The following CALN1 variants were observed in gnomAD, a reference collection of about 807,000 sequenced individuals.
The protein encoded by CALN1 is calneuron 1.
CALN1 carries 17 observed loss-of-function variants against 30.6 expected under a neutral mutation model. The observed-to-expected ratio is 0.56, with a 90% CI of 0.38 to 0.83. CALN1 has a LOEUF of 0.83. CALN1 is among the 40% of genes least tolerant of loss of function. CALN1 has a pLI of 0.00. For synonymous variants in CALN1, 156 were observed against 131.4 expected (o/e 1.19, Z -1.28); for missense variants, 291 against 354.9 (o/e 0.82, Z 1.45).
chr7:72,430,573 T>G (rs1807941585), intron 1 of CALN1, among the ~76,000 whole-genome samples: 2 of 152,292 alleles, frequency 1.3e-5, no homozygotes, highest in South Asian at 4.1e-4. Flanking sequence ...ACCCTAAATA[T>G]TCCCCTCAAG....
chr7:72,319,522 G>A (rs894077461), intron 2 of CALN1, among the ~76,000 whole-genome samples: 4 of 152,132 alleles, frequency 2.6e-5, no homozygotes, highest in Admixed American at 6.5e-5. Flanking sequence ...ATGAGATTTG[G>A]GTGGGGACAC....
chr7:71,919,267 A>G lies in CALN1; in HGVS notation c.501+104390T>C, dbSNP rs569128420. Among the ~76,000 whole-genome samples the G allele has an allele frequency of 3.0e-4, 45 of 152,336 alleles. 1 individual carries two copies. Among genetic ancestry groups the G allele is most frequent in the African/African-American group, 9.9e-4 (41 of 41,572 alleles). ...ACTCAAAATCTTTTAAAGGCTTCAC[A>G]ATGCCTACATGATAAGGTACAAACG... On this transcript the variant is annotated intron_variant, in intron 5 of 6. Coordinates refer to ENST00000395275, the MANE Select transcript of CALN1 (RefSeq NM_031468.4).
chr7:72,350,580 A>G (rs1371902233), intron 2 of CALN1, among the ~76,000 whole-genome samples: 3 of 152,190 alleles, frequency 2.0e-5, no homozygotes, highest in Non-Finnish European at 4.4e-5. Flanking sequence ...CTAAACATTG[A>G]GTACATATGG....
the CALN1 span, among the ~76,000 whole-genome samples, chr7:72,483,589 C>A: frequency 6.6e-6 from 1 of 152,112 alleles, no homozygotes; most frequent in East Asian, 1.9e-4. Context: ...CAAGCCCTCC[C>A]CTGATGTTTC....
At chr7:71,802,339 T>G (rs1470488683) in intron 6 of CALN1, among the ~76,000 whole-genome samples, 1 of 152,194 alleles carries the variant, frequency 6.6e-6, no homozygotes, top group African/African-American at 2.4e-5. Context: ...GAATGTCTGG[T>G]GCCTAAAATG....
At chr7:72,315,733 C>A (rs540855609) in intron 2 of CALN1, among the ~76,000 whole-genome samples, 1 of 151,712 alleles carries the variant, frequency 6.6e-6, no homozygotes, top group Non-Finnish European at 1.5e-5. Flanking sequence ...CAAAAAACAA[C>A]GCCAATAGCA....
intron 5 of CALN1, among the ~76,000 whole-genome samples, chr7:71,965,853 C>G (rs755869181): frequency 8.6e-5 from 13 of 150,644 alleles, no homozygotes; most frequent in Non-Finnish European, 1.5e-4. Context: ...ACAAAGATAA[C>G]TTAGTATTTA....
In CALN1 at chr7:71,915,287, C is replaced by T. The variant is rs141853845; in HGVS notation, c.502-104795G>A. Among the ~76,000 whole-genome samples the T allele has an allele frequency of 2.2e-4, 34 of 152,324 alleles. No homozygotes were observed. In the East Asian group the frequency reaches 6.2e-3, roughly 28 times the overall value. On this transcript the variant is annotated intron_variant, in intron 5 of 6. Coordinates refer to ENST00000395275, the MANE Select transcript of CALN1 (RefSeq NM_031468.4). The stretch of plus-strand genomic sequence containing the variant: ...TTAGAAATGAGAAAAGCAATGAGGT[C>T]ATCTCAGTGGGACTTTCTTTCGAAA...
chr7:72,054,528 CATACAT>C (rs1563015909), intron 4 of CALN1, among the ~76,000 whole-genome samples: 43 of 55,658 alleles, frequency 7.7e-4, no homozygotes, highest in African/African-American at 3.1e-3. Context: ...TACATATATA[CATACAT>C]ATATATATAC....
chr7:72,456,543 T>C, the CALN1 span, among the ~76,000 whole-genome samples: 1 of 151,304 alleles, frequency 6.6e-6, no homozygotes, highest in Non-Finnish European at 1.5e-5. Flanking sequence ...GTCTCCAAAA[T>C]AATAATAAAT....
intron 3 of CALN1, among the ~76,000 whole-genome samples, chr7:72,184,899 C>A (rs372929344): frequency 6.6e-6 from 1 of 151,962 alleles, no homozygotes. Flanking sequence ...CTCAAGTGAT[C>A]CCCCATCTCA....
At chr7:72,328,775 A>C (rs921804700) in intron 2 of CALN1, among the ~76,000 whole-genome samples, 1 of 152,200 alleles carries the variant, frequency 6.6e-6, no homozygotes, top group African/African-American at 2.4e-5. Flanking sequence ...AGCTCACTGC[A>C]ACCTCCGCCT....
At chr7:72,435,265 A>G (rs1276079093) in intron 1 of CALN1, among the ~76,000 whole-genome samples, 1 of 151,462 alleles carries the variant, frequency 6.6e-6, no homozygotes, top group African/African-American at 2.4e-5. Flanking sequence ...AAAAGAAAAG[A>G]AAGGGAAGGG....
At chr7:72,462,182 T>TATGTATGTATGTATG in the CALN1 span, among the ~76,000 whole-genome samples, 2,100 of 148,768 alleles carry the variant, frequency 0.014, 54 homozygotes, top group African/African-American at 0.05. Flanking sequence ...ATGTATGTAT[T>TATGTATGTATGTATG]TATTTATTTA....
At chr7:72,057,207 A>C (rs893750689) in intron 4 of CALN1, among the ~76,000 whole-genome samples, 2 of 152,108 alleles carry the variant, frequency 1.3e-5, no homozygotes, top group Non-Finnish European at 2.9e-5. Context: ...TTGGCCTCCC[A>C]AAATGCTGGA....
chr7:72,108,259 T>G (rs1807318324), intron 3 of CALN1, among the ~76,000 whole-genome samples: 1 of 152,238 alleles, frequency 6.6e-6, no homozygotes. Context: ...CTGTTTGCAT[T>G]AGGGACCACT....
chr7:72,459,368 T>C, the CALN1 span, among the ~76,000 whole-genome samples: 55,433 of 152,120 alleles, frequency 0.36, 10,657 homozygotes, highest in Middle Eastern at 0.46. Context: ...AGTTGTCTTA[T>C]TTGTTAGAGT....
chr7:72,447,373 C>T (rs1297070451), upstream of CALN1, among the ~76,000 whole-genome samples: 2 of 152,096 alleles, frequency 1.3e-5, no homozygotes, highest in Admixed American at 6.5e-5. Context: ...CCAGAAACAC[C>T]GGAGTCTCTC....
chr7:72,074,447 A>T (rs2129538277), intron 4 of CALN1, among the ~76,000 whole-genome samples: 1 of 152,266 alleles, frequency 6.6e-6, no homozygotes, highest in East Asian at 1.9e-4. Flanking sequence ...TCGCTCTGTC[A>T]ACCAGGCTAG....
Sources: gnomAD v4.1 joint callset for allele counts (sites outside exome capture counted in the v4.1 genomes callset) on GRCh38, gnomAD v4.1.1 for gene constraint, MANE v1.5 for transcripts, NCBI Gene and HGNC (gene_info 2026-07-23, HGNC 2026-07-21) for gene names.